DPP6: variants seen among roughly 807,000 people sequenced by gnomAD.
DPP6 encodes the protein dipeptidyl peptidase like 6.
Under a neutral mutation model 122.6 loss-of-function variants are expected in DPP6, and 69 were observed. The observed-to-expected ratio is 0.56, with a 90% CI of 0.46 to 0.69. The LOEUF (loss-of-function observed/expected upper bound fraction) is 0.69. DPP6 is among the 30% of genes least tolerant of loss of function. The pLI is 0.00. For synonymous variants in DPP6, 418 were observed against 433.1 expected, an observed-to-expected ratio of 0.97 and a Z score of 0.43; for missense variants, 928 against 1,116.9, an observed-to-expected ratio of 0.83 and a Z score of 2.41.
intron 1 of DPP6, among the ~76,000 whole-genome samples, chr7:154,104,595 C>A (rs1409234326): frequency 1.3e-5 from 2 of 152,274 alleles, no homozygotes; most frequent in Non-Finnish European, 2.9e-5. Flanking sequence ...GTGGTATTTT[C>A]TCAGGGACCC....
At chr7:154,290,785 C>T (rs553873824) in intron 1 of DPP6, among the ~76,000 whole-genome samples, 70 of 152,234 alleles carry the variant, frequency 4.6e-4, no homozygotes, top group African/African-American at 1.7e-3. Context: ...AATCGCAGGT[C>T]CCTTGCTCTT....
At chr7:153,778,420 T>C in the DPP6 span, among the ~76,000 whole-genome samples, 2 of 152,088 alleles carry the variant, frequency 1.3e-5, no homozygotes, top group Admixed American at 1.3e-4. Flanking sequence ...GTTCTGTCCC[T>C]GGAGAGGGCT....
At chr7:153,892,957 G>T (rs1799268238) in intron 1 of DPP6, among the ~76,000 whole-genome samples, 1 of 152,212 alleles carries the variant, frequency 6.6e-6, no homozygotes, top group South Asian at 2.1e-4. Flanking sequence ...TCCCATCTGT[G>T]CAGGAAACAG....
intron 2 of DPP6, among the ~76,000 whole-genome samples, chr7:154,449,606 A>T (rs1304195277): frequency 6.6e-6 from 1 of 152,216 alleles, no homozygotes; most frequent in East Asian, 1.9e-4. Flanking sequence ...GAAAACTGGA[A>T]ACATATGTTC....
At chr7:153,930,509 A>G (rs943003417) in intron 1 of DPP6, among the ~76,000 whole-genome samples, 1 of 152,240 alleles carries the variant, frequency 6.6e-6, no homozygotes, top group Non-Finnish European at 1.5e-5. Flanking sequence ...CATGTACAAC[A>G]TGATGTTTTG....
At chr7:154,135,608 T>TA (rs1403059409) in intron 1 of DPP6, among the ~76,000 whole-genome samples, 1 of 151,906 alleles carries the variant, frequency 6.6e-6, no homozygotes, top group Non-Finnish European at 1.5e-5. Flanking sequence ...AGCCCACACT[T>TA]ACTATGATAT....
At position 153,977,205 on chromosome 7, in the gene DPP6, G is replaced by GTGTA. The variant is rs1554424803; in HGVS notation, c.51+89474_51+89475insATGT. On this transcript the variant is annotated intron_variant, in intron 1 of 25. Transcript: ENST00000404039. ...TAAGTAGGTACCAATAGGGGTGTGT[G>GTGTA]TGTGTGTGTGTGTGTGTTGACCTTT... 1.2e-3 allele frequency among the ~76,000 whole-genome samples: 179 copies of GTGTA among 151,838 alleles called. 2 individuals carry two copies. Among genetic ancestry groups the GTGTA allele is most frequent in the African/African-American group, 4.2e-3 (175 of 41,394 alleles).
At chr7:154,127,299 A>T (rs1807959176) in intron 1 of DPP6, among the ~76,000 whole-genome samples, 2 of 152,222 alleles carry the variant, frequency 1.3e-5, no homozygotes, top group African/African-American at 4.8e-5. Context: ...GGGATATCAA[A>T]ATATAACCAT....
intron 1 of DPP6, among the ~76,000 whole-genome samples, chr7:154,431,808 C>T (rs1406672432): frequency 6.6e-6 from 1 of 152,148 alleles, no homozygotes; most frequent in African/African-American, 2.4e-5. Context: ...GCTGGGATTA[C>T]AGGCGAGAGC....
chr7:154,683,047 A>G (rs1464601461), intron 7 of DPP6, among the ~76,000 whole-genome samples: 5 of 152,188 alleles, frequency 3.3e-5, no homozygotes, highest in Admixed American at 2.6e-4. Flanking sequence ...AAAAGTTAGC[A>G]AATTAGTGAA....
At chr7:154,847,593 A>G (rs1402874495) in intron 16 of DPP6, among the ~76,000 whole-genome samples, 1 of 152,198 alleles carries the variant, frequency 6.6e-6, no homozygotes, top group East Asian at 1.9e-4. Context: ...TTATATACAT[A>G]TATACATTGT....
chr7:154,827,459 G>A (rs755806177), intron 16 of DPP6, among the ~76,000 whole-genome samples: 4 of 152,082 alleles, frequency 2.6e-5, no homozygotes, highest in Non-Finnish European at 5.9e-5. Context: ...GCCAGGAGGT[G>A]GAGGCATCTG....
intron 1 of DPP6, among the ~76,000 whole-genome samples, chr7:154,142,853 T>C (rs1795914157): frequency 1.4e-5 from 2 of 140,670 alleles, no homozygotes; most frequent in South Asian, 5.1e-4. Context: ...GAGTTGTCTC[T>C]AAAAAGGATC....
At chr7:154,365,002 A>C in intron 1 of DPP6, among the ~76,000 whole-genome samples, 1 of 152,202 alleles carries the variant, frequency 6.6e-6, no homozygotes, top group East Asian at 1.9e-4. Context: ...CAGACAACCC[A>C]GAGAAGTGGG....
At chr7:153,986,616 T>C (rs2129040242) in intron 1 of DPP6, among the ~76,000 whole-genome samples, 1 of 152,316 alleles carries the variant, frequency 6.6e-6, no homozygotes, top group Non-Finnish European at 1.5e-5. Flanking sequence ...TCTGCTGAGA[T>C]CACTGAGATG....
chr7:154,121,096 G>A (rs969576051), intron 1 of DPP6, among the ~76,000 whole-genome samples: 5 of 152,086 alleles, frequency 3.3e-5, no homozygotes, highest in South Asian at 2.1e-4. Flanking sequence ...GTGAAGGGGC[G>A]CCTTCCTCCA....
chr7:154,590,436 G>T (rs557054664), intron 5 of DPP6, among the ~76,000 whole-genome samples: 2 of 150,748 alleles, frequency 1.3e-5, no homozygotes, highest in Non-Finnish European at 2.9e-5. Context: ...CATTTAATGC[G>T]TTCTCAGCAG....
intron 1 of DPP6, among the ~76,000 whole-genome samples, chr7:154,093,428 C>T (rs1403385022): frequency 7.3e-6 from 1 of 137,132 alleles, no homozygotes; most frequent in Non-Finnish European, 1.6e-5. Context: ...CACACACACC[C>T]CATAACATAC....
chr7:154,772,738 T>G, intron 9 of DPP6, 107 bp from the exon 10 acceptor site: 1 of 1,429,698 alleles, frequency 7.0e-7, no homozygotes, highest in East Asian at 2.5e-5. Context: ...GGAGCTCCAG[T>G]GTCCTGGAGT....
Sources: gnomAD v4.1 joint callset for allele counts (sites outside exome capture counted in the v4.1 genomes callset) on GRCh38, gnomAD v4.1.1 for gene constraint, MANE v1.5 for transcripts, NCBI Gene and HGNC (gene_info 2026-07-23, HGNC 2026-07-21) for gene names.